The following TYW5 variants were observed in gnomAD, a reference collection of about 807,000 sequenced individuals.
The protein encoded by TYW5 is tRNA wybutosine-synthesizing protein 5.
A neutral mutation model predicts 44.4 loss-of-function variants in TYW5; 36 were observed. The ratio of observed to expected loss-of-function variants is 0.81; its 90% CI spans 0.62 to 1.07. The LOEUF (loss-of-function observed/expected upper bound fraction) is 1.07. Ranked by LOEUF, TYW5 falls within the 50% of genes least tolerant of loss-of-function variation. TYW5 has a pLI of 0.00. For synonymous variants in TYW5, 121 were observed against 128.1 expected (o/e 0.94, Z 0.37); for missense variants, 354 against 365.7 (o/e 0.97, Z 0.26).
At chr2:199,938,615 A>G (rs2105696067) in intron 5 of TYW5, among the ~76,000 whole-genome samples, 1 of 152,216 alleles carries the variant, frequency 6.6e-6, no homozygotes, top group South Asian at 2.1e-4. Flanking sequence ...ACTTTTTCCA[A>G]TACAATTTCC....
At chr2:199,949,107 C>T (rs2077525207) in intron 1 of TYW5, among the ~76,000 whole-genome samples, 2 of 151,898 alleles carry the variant, frequency 1.3e-5, no homozygotes, top group South Asian at 4.2e-4. Context: ...CTTGTAATCC[C>T]AACACTTTGG....
chr2:199,949,300 G>A (rs1231120695), intron 1 of TYW5, among the ~76,000 whole-genome samples: 6 of 152,204 alleles, frequency 3.9e-5, no homozygotes, highest in South Asian at 2.1e-4. Flanking sequence ...CCTAGGAGGC[G>A]GAGGTTGCAG....
intron 3 of TYW5, chr2:199,943,167 T>G (rs1302128612): frequency 6.6e-6 from 1 of 152,342 alleles, no homozygotes; most frequent in East Asian, 1.9e-4. Flanking sequence ...ACACAGGAAA[T>G]TTTTAAAAAC....
chr2:199,936,314 G>A, intron 6 of TYW5, 91 bp downstream of exon 6: 1 of 1,094,084 alleles, frequency 9.1e-7, no homozygotes, highest in Non-Finnish European at 1.3e-6. Context: ...ATTAAGTACT[G>A]AAGTGTTCTT....
At chr2:199,954,176 C>A (rs2077573245) in intron 1 of TYW5, among the ~76,000 whole-genome samples, 1 of 151,886 alleles carries the variant, frequency 6.6e-6, no homozygotes, top group Non-Finnish European at 1.5e-5. Context: ...TCATGGATCA[C>A]TGCAGCCTCG....
intron 4 of TYW5, 50 bp downstream of exon 4, chr2:199,940,039 C>T (rs371524568): frequency 1.9e-6 from 3 of 1,538,718 alleles, no homozygotes; most frequent in East Asian, 4.5e-5. Context: ...AGTTAACATA[C>T]ATACATCCAT....
rs950268297 is a variant in TYW5 at position 199,929,711 on chromosome 2, C to T, written c.*3356G>A. 1.3e-5 allele frequency among the ~76,000 whole-genome samples: 2 copies of T among 152,048 alleles called. No individual in the cohort carries two copies. Among genetic ancestry groups the T allele is most frequent in the Non-Finnish European group, 2.9e-5 (2 of 67,992 alleles). On this transcript the variant is annotated 3_prime_UTR_variant, in exon 8 of 8. Coordinates refer to ENST00000354611, the MANE Select transcript of TYW5 (RefSeq NM_001039693.3). ...AATTAAGTTTTGTTGACTTTGTTTC[C>T]TTTGTTTTGGTATTTTATCAAAGTG...
At position 199,938,128 on chromosome 2, in the gene TYW5, G is replaced by A. The variant is rs575222573; in HGVS notation, c.486+805C>T. Among the ~76,000 whole-genome samples, 8 of 151,386 alleles carry A rather than the reference G, an allele frequency of 5.3e-5. 1 individual carries two copies. The highest frequency in any genetic ancestry group is 1.5e-4 in the African/African-American group (6 of 41,252). Reference sequence around the variant, plus strand: ...CGCCCAGGCTGGAGTGCAACGGTGCGATCTCGGCTCACTGCAAGCTCTGCC... The same window carrying A: ...CGCCCAGGCTGGAGTGCAACGGTGCAATCTCGGCTCACTGCAAGCTCTGCC... On this transcript the variant is annotated intron_variant, in intron 5 of 7. Coordinates refer to ENST00000354611, the MANE Select transcript of TYW5 (RefSeq NM_001039693.3).
chr2:199,947,780 T>C (rs1310729507), intron 2 of TYW5: 1 of 153,196 alleles, frequency 6.5e-6, no homozygotes, highest in East Asian at 1.9e-4. Flanking sequence ...CCAGAAGGTA[T>C]TGGGTATATA....
intron 2 of TYW5, chr2:199,946,799 AT>A (rs2105707160): frequency 6.6e-6 from 1 of 152,320 alleles, no homozygotes; most frequent in African/African-American, 2.4e-5. Flanking sequence ...ACTAAAAAAA[AT>A]AATCTTGCAA....
intron 1 of TYW5, among the ~76,000 whole-genome samples, chr2:199,949,176 G>A (rs1028194429): frequency 6.6e-6 from 1 of 151,698 alleles, no homozygotes; most frequent in Non-Finnish European, 1.5e-5. Flanking sequence ...GCAACATGGC[G>A]AAACCCCATC....
chr2:199,940,271 A>C, intron 3 of TYW5, 138 bp from the exon 4 acceptor site: 1 of 692,200 alleles, frequency 1.4e-6, no homozygotes, highest in Non-Finnish European at 2.3e-6. Flanking sequence ...ACTACGGAAA[A>C]AAATAAAACA....
chr2:199,939,206 A>G, intron 4 of TYW5, 136 bp from the exon 5 acceptor site: 3 of 711,172 alleles, frequency 4.2e-6, no homozygotes, highest in East Asian at 3.0e-5. Flanking sequence ...CTCTCTCTCT[A>G]TCTTTCTCTC....
rs763926726 is a variant in TYW5 at position 199,933,049 on chromosome 2, T to C, written c.*18A>G. The C allele has an allele frequency of 2.3e-5, 37 of 1,611,332 alleles. No homozygotes were observed. The highest frequency in any genetic ancestry group is 3.1e-5 in the Non-Finnish European group (37 of 1,178,946). On this transcript the variant is annotated 3_prime_UTR_variant, in exon 8 of 8. Coordinates refer to ENST00000354611, the MANE Select transcript of TYW5 (RefSeq NM_001039693.3). ...TACCTTACTAAAGTGTTAATGTGCA[T>C]TGCATTCACTTCATTATTTACTCAG...
intron 7 of TYW5, among the ~76,000 whole-genome samples, chr2:199,935,113 G>A (rs1054828874): frequency 6.6e-6 from 1 of 151,504 alleles, no homozygotes; most frequent in Admixed American, 6.6e-5. Context: ...CAAATATAAA[G>A]TGTCTTACTT....
chr2:199,931,324 A>G lies in TYW5; in HGVS notation c.*1743T>C, dbSNP rs2077376062. 1 of 152,186 alleles carries G rather than the reference A, an allele frequency of 6.6e-6. No homozygotes were observed. Among genetic ancestry groups the G allele is most frequent in the Admixed American group, 6.5e-5 (1 of 15,274 alleles). The allele number at this position is 152,186 out of a possible 1,614,324, so 9.4% of individuals were successfully genotyped here. ...CTTCTCCATTAAACAATCAATTAAGATGACTATTCAGTGCACAAACTGTAA... is the reference window on the plus strand; with the variant it reads ...CTTCTCCATTAAACAATCAATTAAGGTGACTATTCAGTGCACAAACTGTAA... On this transcript the variant is annotated 3_prime_UTR_variant, in exon 8 of 8. Coordinates refer to ENST00000354611, the MANE Select transcript of TYW5 (RefSeq NM_001039693.3).
At chr2:199,933,983 ATTTACT>A (rs2077400539) in intron 7 of TYW5, among the ~76,000 whole-genome samples, 1 of 152,036 alleles carries the variant, frequency 6.6e-6, no homozygotes, top group Admixed American at 6.6e-5. Context: ...TTATTGGGAA[ATTTACT>A]TTATTTTCAA....
intron 7 of TYW5, among the ~76,000 whole-genome samples, chr2:199,934,445 A>G (rs1475630236): frequency 6.6e-6 from 1 of 152,026 alleles, no homozygotes; most frequent in African/African-American, 2.4e-5. Flanking sequence ...TGTAAATTTA[A>G]AAGATGGCAA....
rs1346467932 is a variant in TYW5, at chr2:199,948,304, T to G, written c.233+14A>C. 4 of 1,613,660 alleles carry G rather than the reference T, an allele frequency of 2.5e-6. No individual in the cohort carries two copies. In the South Asian group the frequency reaches 4.4e-5, roughly 18 times the overall value. On this transcript the variant is annotated intron_variant, in intron 2 of 7. Coordinates refer to ENST00000354611, the MANE Select transcript of TYW5 (RefSeq NM_001039693.3). ...GTTATTTGTATCCCCAGAGTAAACCTCAGAAGAAAATACCTATATACAAAG... is the reference window on the plus strand; with the variant it reads ...GTTATTTGTATCCCCAGAGTAAACCGCAGAAGAAAATACCTATATACAAAG...
Sources: allele counts gnomAD v4.1 joint callset (sites outside exome capture counted in the v4.1 genomes callset), GRCh38; gene constraint gnomAD v4.1.1; transcripts MANE v1.5; gene names NCBI Gene and HGNC (gene_info 2026-07-23, HGNC 2026-07-21).